ROBO2: variants seen among roughly 807,000 people sequenced by gnomAD.
ROBO2 encodes roundabout homolog 2.
Under a neutral mutation model 160.8 loss-of-function variants are expected in ROBO2, and 53 were observed. The ratio of observed to expected loss-of-function variants is 0.33; its 90% CI spans 0.26 to 0.41. ROBO2 has a LOEUF of 0.41. Among genes scored for constraint, ROBO2 ranks in the 10% least tolerant of loss-of-function variants. The pLI is 1.00. For synonymous variants in ROBO2, 664 were observed against 611.7 expected, an observed-to-expected ratio of 1.09 and a Z score of -1.26; for missense variants, 1,577 against 1,722.4, an observed-to-expected ratio of 0.92 and a Z score of 1.49.
At chr3:77,622,067 C>T (rs1032754414) in intron 22 of ROBO2, among the ~76,000 whole-genome samples, 160 bp from the exon 24 acceptor site, 1 of 151,686 alleles carries the variant, frequency 6.6e-6, no homozygotes, top group Non-Finnish European at 1.5e-5. Context: ...GGCTCGTATT[C>T]GTAGCCATTG....
chr3:76,589,421 C>T (rs966955481), intron 2 of ROBO2, among the ~76,000 whole-genome samples: 1 of 152,150 alleles, frequency 6.6e-6, no homozygotes, highest in Admixed American at 6.5e-5. Context: ...CTGCCTCAGC[C>T]TCCCGAGTAG....
At chr3:76,649,524 AACTC>A (rs2091153614) in intron 2 of ROBO2, among the ~76,000 whole-genome samples, 1 of 152,126 alleles carries the variant, frequency 6.6e-6, no homozygotes, top group Admixed American at 6.5e-5. Context: ...CTCAACTTAA[AACTC>A]ACTCAATCTT....
At chr3:76,597,422 C>G (rs1578408762) in intron 2 of ROBO2, among the ~76,000 whole-genome samples, 1 of 151,570 alleles carries the variant, frequency 6.6e-6, no homozygotes, top group African/African-American at 2.4e-5. Context: ...GTAAAACAAA[C>G]TAAAAAACAA....
intron 2 of ROBO2, among the ~76,000 whole-genome samples, chr3:76,989,830 TTGTC>T (rs1398505864): frequency 3.3e-5 from 5 of 152,114 alleles, no homozygotes; most frequent in African/African-American, 4.8e-5. Flanking sequence ...CTTATATAGT[TTGTC>T]TGTGTGTATG....
At chr3:76,599,071 T>A (rs933891747) in intron 2 of ROBO2, among the ~76,000 whole-genome samples, 16 of 152,238 alleles carry the variant, frequency 1.1e-4, no homozygotes, top group South Asian at 2.1e-4. Context: ...AACAAAAATT[T>A]AAAAAAAATT....
At chr3:77,384,817 A>G (rs2073930244) in intron 2 of ROBO2, among the ~76,000 whole-genome samples, 1 of 152,192 alleles carries the variant, frequency 6.6e-6, no homozygotes. Context: ...TGATATAGAA[A>G]ATGGCTGTAG....
intron 2 of ROBO2, among the ~76,000 whole-genome samples, chr3:77,406,844 G>T (rs180830938): frequency 1.3e-5 from 2 of 151,998 alleles, no homozygotes; most frequent in Admixed American, 6.6e-5. Flanking sequence ...GCAATGTGAG[G>T]CTTGGAAGAA....
chr3:77,510,567 G>A lies in ROBO2; in HGVS notation c.807-12208G>A, dbSNP rs2089266102. On this transcript the variant is annotated intron_variant, in intron 5 of 25. Coordinates refer to ENST00000461745, the Ensembl canonical transcript of ROBO2. ...TGAAGTGAGTTCAGCTATGGAAAAT[G>A]TTAGGTGACATTTATTGAGGATTTA... Among the ~76,000 whole-genome samples the A allele has an allele frequency of 3.3e-5, 5 of 152,074 alleles. No individual in the cohort carries two copies. In the South Asian group the frequency reaches 1.0e-3, roughly 31 times the overall value.
At chr3:76,149,288 A>G (rs561900746) in intron 2 of ROBO2, among the ~76,000 whole-genome samples, 30 of 152,242 alleles carry the variant, frequency 2.0e-4, no homozygotes, top group Non-Finnish European at 4.3e-4. Context: ...TCAGAACATT[A>G]TCACTTCCTA....
At chr3:76,830,525 A>G (rs1349583693) in intron 2 of ROBO2, among the ~76,000 whole-genome samples, 2 of 152,200 alleles carry the variant, frequency 1.3e-5, no homozygotes, top group East Asian at 1.9e-4. Context: ...AATAAACTAT[A>G]TTATTTTTAG....
chr3:77,562,726 G>A, exon 10 of ROBO2: 1 of 1,611,154 alleles, frequency 6.2e-7, no homozygotes, highest in Admixed American at 1.7e-5. Flanking sequence ...AGTGCTGGAT[G>A]TGACAGGTGA....
At chr3:77,016,555 A>G (rs2062272677) in intron 2 of ROBO2, among the ~76,000 whole-genome samples, 1 of 152,184 alleles carries the variant, frequency 6.6e-6, no homozygotes, top group African/African-American at 2.4e-5. Flanking sequence ...TCAGTCAGGT[A>G]AGCTAGGTTG....
intron 2 of ROBO2, among the ~76,000 whole-genome samples, chr3:77,229,514 A>T (rs1294553646): frequency 6.6e-6 from 1 of 151,770 alleles, no homozygotes; most frequent in Admixed American, 6.6e-5. Flanking sequence ...AAAAAAATAT[A>T]GCCAGGTGTG....
chr3:77,428,583 C>G (rs142698944), intron 2 of ROBO2, among the ~76,000 whole-genome samples: 4,898 of 151,496 alleles, frequency 0.032, 109 homozygotes, highest in Non-Finnish European at 0.046. Flanking sequence ...GTCTCGATCT[C>G]CTGACCTCAT....
chr3:77,082,588 C>T (rs1317615324), intron 1 of ROBO2, among the ~76,000 whole-genome samples: 1 of 151,562 alleles, frequency 6.6e-6, no homozygotes, highest in African/African-American at 2.4e-5. Flanking sequence ...TCCTGTGAAA[C>T]ATATCAAAAG....
intron 2 of ROBO2, among the ~76,000 whole-genome samples, chr3:76,872,065 C>T (rs1286373758): frequency 6.6e-6 from 1 of 152,016 alleles, no homozygotes. Flanking sequence ...TCAAGGCACC[C>T]ACTGAGAATA....
At chr3:77,306,922 G>A (rs1029526764) in intron 2 of ROBO2, among the ~76,000 whole-genome samples, 4 of 152,138 alleles carry the variant, frequency 2.6e-5, no homozygotes, top group African/African-American at 7.2e-5. Context: ...GTTTACAAAA[G>A]GCACTCTCTT....
At chr3:76,897,253 C>G (rs1263423598) in intron 2 of ROBO2, among the ~76,000 whole-genome samples, 1 of 149,536 alleles carries the variant, frequency 6.7e-6, no homozygotes, top group African/African-American at 2.5e-5. Flanking sequence ...AACTGCATAA[C>G]AACATCAGGA....
At chr3:76,976,562 T>A (rs1038569961) in intron 2 of ROBO2, among the ~76,000 whole-genome samples, 5 of 152,202 alleles carry the variant, frequency 3.3e-5, no homozygotes, top group Non-Finnish European at 1.5e-5. Flanking sequence ...GTGACTCAAC[T>A]GGTGACATTT....
Sources: gnomAD v4.1 joint callset for allele counts (sites outside exome capture counted in the v4.1 genomes callset) on GRCh38, gnomAD v4.1.1 for gene constraint, MANE v1.5 for transcripts, NCBI Gene and HGNC (gene_info 2026-07-23, HGNC 2026-07-21) for gene names.